Variants in KLF8 observed in about 807,000 individuals in gnomAD.
KLF8 encodes Krueppel-like factor 8.
Under a neutral mutation model 18.2 loss-of-function variants are expected in KLF8, and 10 were observed. The ratio of observed to expected loss-of-function variants is 0.55; its 90% CI spans 0.34 to 0.93. The LOEUF (loss-of-function observed/expected upper bound fraction) is 0.93, where lower values mean the gene tolerates loss of function less well. Among genes scored for constraint, KLF8 ranks in the 40% least tolerant of loss-of-function variants. The pLI is 0.02. For synonymous variants in KLF8, 109 were observed against 97.3 expected (o/e 1.12, Z -0.71); for missense variants, 264 against 277.9 (o/e 0.95, Z 0.36).
the KLF8 span, among the ~76,000 whole-genome samples, chrX:56,105,881 C>T: frequency 1.8e-5 from 2 of 111,053 alleles, no homozygotes; most frequent in Non-Finnish European, 3.8e-5. Flanking sequence ...ATGTTTAGTG[C>T]TTCTTTGGGG....
the KLF8 span, among the ~76,000 whole-genome samples, chrX:56,174,339 A>G: frequency 8.9e-6 from 1 of 111,858 alleles, no homozygotes; most frequent in African/African-American, 3.2e-5. Flanking sequence ...CCTTTTCTGC[A>G]TTTATTGAGA....
At chrX:56,109,962 TG>T in the KLF8 span, among the ~76,000 whole-genome samples, 1 of 110,123 alleles carries the variant, frequency 9.1e-6, no homozygotes, top group Non-Finnish European at 1.9e-5. Flanking sequence ...TAGGCTCCAT[TG>T]TGTGTTGTTC....
At chrX:56,217,347 T>C in the KLF8 span, among the ~76,000 whole-genome samples, 5 of 111,739 alleles carry the variant, frequency 4.5e-5, no homozygotes, top group East Asian at 1.4e-3. Flanking sequence ...TCAGGTTCCA[T>C]CTAATTGGAT....
the KLF8 span, among the ~76,000 whole-genome samples, chrX:56,186,653 G>A: frequency 9.0e-6 from 1 of 111,659 alleles, no homozygotes; most frequent in Non-Finnish European, 1.9e-5. Context: ...AAATGTAAAA[G>A]ATCAGAAATT....
At chrX:56,135,251 C>T in the KLF8 span, among the ~76,000 whole-genome samples, 28 of 111,432 alleles carry the variant, frequency 2.5e-4, no homozygotes, top group South Asian at 2.3e-3. Context: ...CACATGCACA[C>T]GTATGTTTAT....
chrX:56,205,885 C>T, the KLF8 span, among the ~76,000 whole-genome samples: 1 of 111,320 alleles, frequency 9.0e-6, no homozygotes, highest in Non-Finnish European at 1.9e-5. Flanking sequence ...TGTTTTCAGG[C>T]TGCTAATAAA....
the KLF8 span, among the ~76,000 whole-genome samples, chrX:56,036,940 C>T: frequency 4.6e-5 from 5 of 109,804 alleles, no homozygotes; most frequent in African/African-American, 1.7e-4. Flanking sequence ...AATGTGACTG[C>T]CTTCTTGATT....
the KLF8 span, among the ~76,000 whole-genome samples, chrX:55,981,174 CAG>C: frequency 8.9e-6 from 1 of 112,316 alleles, no homozygotes; most frequent in Non-Finnish European, 1.9e-5. Flanking sequence ...GCCTAGGCGA[CAG>C]AGCAAGACTC....
At chrX:56,098,381 G>A in the KLF8 span, among the ~76,000 whole-genome samples, 2 of 111,813 alleles carry the variant, frequency 1.8e-5, no homozygotes, top group Non-Finnish European at 3.8e-5. Flanking sequence ...GAAACAAAAG[G>A]TATATAAAAA....
At chrX:55,963,911 T>C in the KLF8 span, among the ~76,000 whole-genome samples, 3 of 110,712 alleles carry the variant, frequency 2.7e-5, no homozygotes, top group Non-Finnish European at 3.8e-5. Flanking sequence ...AAGCCAAAAT[T>C]ATTCCATCTA....
chrX:56,053,384 T>A, the KLF8 span, among the ~76,000 whole-genome samples: 2 of 111,685 alleles, frequency 1.8e-5, no homozygotes, highest in South Asian at 7.5e-4. Flanking sequence ...GGTGGATAAG[T>A]TTTTTAATAT....
At chrX:56,073,986 G>A in the KLF8 span, among the ~76,000 whole-genome samples, 1 of 111,480 alleles carries the variant, frequency 9.0e-6, no homozygotes, top group African/African-American at 3.3e-5. Flanking sequence ...GACCTCAGGT[G>A]GTTTGCCCAC....
At chrX:56,063,965 C>A in the KLF8 span, among the ~76,000 whole-genome samples, 7 of 108,775 alleles carry the variant, frequency 6.4e-5, no homozygotes, top group South Asian at 7.9e-4. Flanking sequence ...AGGTTTATGA[C>A]CTTCTATATA....
At chrX:56,191,677 T>C in the KLF8 span, among the ~76,000 whole-genome samples, 2 of 111,775 alleles carry the variant, frequency 1.8e-5, no homozygotes, top group Admixed American at 1.9e-4. Flanking sequence ...ATGCATCGTA[T>C]CAACAAAATG....
the KLF8 span, among the ~76,000 whole-genome samples, chrX:56,201,640 CAGAA>C: frequency 1.8e-5 from 2 of 111,404 alleles, no homozygotes; most frequent in Non-Finnish European, 3.8e-5. Context: ...GTGAAGAAGA[CAGAA>C]GGAAACTTTG....
At chrX:56,158,028 A>G in the KLF8 span, among the ~76,000 whole-genome samples, 1 of 112,101 alleles carries the variant, frequency 8.9e-6, no homozygotes, top group Non-Finnish European at 1.9e-5. Flanking sequence ...TTTGGGTCTA[A>G]CATTTAAGTC....
the KLF8 span, among the ~76,000 whole-genome samples, chrX:56,176,278 G>T: frequency 8.9e-6 from 1 of 111,866 alleles, no homozygotes; most frequent in Non-Finnish European, 1.9e-5. Context: ...TCCTTCAGGA[G>T]TTCTTTTAGG....
chrX:56,202,719 A>G, the KLF8 span, among the ~76,000 whole-genome samples: 1 of 109,992 alleles, frequency 9.1e-6, no homozygotes, highest in Non-Finnish European at 1.9e-5. Context: ...TAACATAATG[A>G]TCTCCAGTTC....
At chrX:56,020,439 A>T in the KLF8 span, among the ~76,000 whole-genome samples, 1 of 111,964 alleles carries the variant, frequency 8.9e-6, no homozygotes, top group Non-Finnish European at 1.9e-5. Flanking sequence ...AAGGTAGTAG[A>T]CATTGGGCTG....
Sources: allele counts gnomAD v4.1 joint callset (sites outside exome capture counted in the v4.1 genomes callset), GRCh38; gene constraint gnomAD v4.1.1; transcripts MANE v1.5; gene names NCBI Gene and HGNC (gene_info 2026-07-23, HGNC 2026-07-21).